The following PKIB variants were observed in gnomAD, a reference collection of about 807,000 sequenced individuals.
The protein encoded by PKIB is PKI-beta.
PKIB carries 2 observed loss-of-function variants against 4.5 expected under a neutral mutation model. The ratio of observed to expected loss-of-function variants is 0.44; its 90% CI spans 0.18 to 1.39. PKIB has a LOEUF of 1.39. PKIB is among the 40% of genes most tolerant of loss of function. The pLI is 0.27. For missense variants in PKIB, 94 were observed against 92.6 expected (o/e 1.02, Z -0.06); for synonymous variants, 38 against 36.0 (o/e 1.06, Z -0.20).
chr6:122,676,250 T>C (rs2566817), intron 3 of PKIB, among the ~76,000 whole-genome samples: 149,830 of 151,862 alleles, frequency 0.99, 73,936 homozygotes, highest in Middle Eastern at 1. Flanking sequence ...CAGTAGGGCT[T>C]ATGCTCCTAT....
chr6:122,478,780 A>G (rs1364418496), intron 2 of PKIB: 1 of 152,172 alleles, frequency 6.6e-6, no homozygotes, highest in Non-Finnish European at 1.5e-5. Flanking sequence ...TAAAATCTGG[A>G]GAAAGAAAAC....
intron 2 of PKIB, chr6:122,483,648 A>G (rs760330109): frequency 6.6e-6 from 1 of 152,250 alleles, no homozygotes; most frequent in Non-Finnish European, 1.5e-5. Context: ...AACAATTTTT[A>G]GAAAAATGAC....
At chr6:122,664,299 G>A (rs2114923966) in intron 2 of PKIB, among the ~76,000 whole-genome samples, 1 of 152,258 alleles carries the variant, frequency 6.6e-6, no homozygotes, top group East Asian at 1.9e-4. Context: ...TACTGTTATA[G>A]GAAGTATAAA....
chr6:122,718,023 C>T, intron 4 of PKIB, 60 bp downstream of exon 4: 3 of 1,516,400 alleles, frequency 2.0e-6, no homozygotes, highest in Non-Finnish European at 1.8e-6. Context: ...CAAGCCTTTT[C>T]TCTGGACAGT....
Position 122,505,284 on chromosome 6 carries a change from T to A in PKIB, c.-248+27345T>A, listed in dbSNP as rs189273014. On this transcript the variant is annotated intron_variant, in intron 2 of 6. Coordinates refer to the PKIB transcript ENST00000392491. ...TCTCGCTCTGAGCATGGGAACATGA[T>A]GGCAATTAGGAGGCTTTCCTCCTCA... 2.6e-5 allele frequency among the ~76,000 whole-genome samples: 4 copies of A among 152,294 alleles called. No homozygotes were observed. In the East Asian group the frequency reaches 7.7e-4, roughly 29 times the overall value.
chr6:122,527,806 T>G (rs572701391), intron 2 of PKIB, among the ~76,000 whole-genome samples: 4 of 152,306 alleles, frequency 2.6e-5, no homozygotes, highest in African/African-American at 7.2e-5. Context: ...TTCAATAGGT[T>G]TGCTTGATGC....
intron 4 of PKIB, among the ~76,000 whole-genome samples, chr6:122,721,351 G>A (rs541689730): frequency 6.6e-6 from 1 of 152,090 alleles, no homozygotes; most frequent in Non-Finnish European, 1.5e-5. Flanking sequence ...GAAAAAAAGG[G>A]TGCTGTAGTC....
At chr6:122,556,788 T>C (rs1205587762) in intron 2 of PKIB, among the ~76,000 whole-genome samples, 1 of 152,196 alleles carries the variant, frequency 6.6e-6, no homozygotes, top group Non-Finnish European at 1.5e-5. Flanking sequence ...CACAAGTAAC[T>C]GAAAGCTTGA....
intron 2 of PKIB, among the ~76,000 whole-genome samples, chr6:122,543,559 T>C (rs1310074530): frequency 6.6e-6 from 1 of 151,876 alleles, no homozygotes; most frequent in Non-Finnish European, 1.5e-5. Flanking sequence ...TTCGTATTTT[T>C]AGTAGAGGCA....
chr6:122,585,796 T>G (rs1773831896), intron 2 of PKIB: 1 of 152,182 alleles, frequency 6.6e-6, no homozygotes, highest in South Asian at 2.1e-4. Flanking sequence ...ACAATATATT[T>G]TCTTGAATTA....
chr6:122,555,139 T>C (rs991133441), intron 2 of PKIB, among the ~76,000 whole-genome samples: 2 of 152,232 alleles, frequency 1.3e-5, no homozygotes, highest in Middle Eastern at 3.4e-3. Flanking sequence ...GTGCTGGGGG[T>C]AACCTAGAGA....
At chr6:122,597,584 G>T (rs1269622060) in intron 3 of PKIB, among the ~76,000 whole-genome samples, 1 of 152,218 alleles carries the variant, frequency 6.6e-6, no homozygotes, top group Non-Finnish European at 1.5e-5. Flanking sequence ...GTTGAATGGG[G>T]ATGTGGTGGG....
At chr6:122,634,840 G>A (rs1378447061) in intron 2 of PKIB, among the ~76,000 whole-genome samples, 1 of 151,932 alleles carries the variant, frequency 6.6e-6, no homozygotes, top group Non-Finnish European at 1.5e-5. Flanking sequence ...TACTCAGGAG[G>A]CTGAGGAAGG....
At chr6:122,693,222 A>G (rs1054717988) in intron 3 of PKIB, among the ~76,000 whole-genome samples, 3 of 152,250 alleles carry the variant, frequency 2.0e-5, no homozygotes, top group Admixed American at 2.0e-4. Flanking sequence ...CTGAAACTTC[A>G]GTACTCTAGG....
chr6:122,682,401 A>G lies in PKIB; in HGVS notation c.-9+7257A>G, dbSNP rs77017576. ...TCTGTGTCTAAATACTGTCACATTA[A>G]TGCTACCATTATCTAAATGTACATA... On this transcript the variant is annotated intron_variant, in intron 3 of 4. Coordinates refer to ENST00000368452, the MANE Select transcript of PKIB (RefSeq NM_181795.3). Among the ~76,000 whole-genome samples, 184 of 152,258 alleles carry G rather than the reference A, an allele frequency of 1.2e-3. 3 individuals are homozygous for G. The East Asian group carries it at 0.02, about 17-fold the overall frequency.
intron 2 of PKIB, among the ~76,000 whole-genome samples, chr6:122,538,530 T>C (rs1194071701): frequency 6.6e-6 from 1 of 152,104 alleles, no homozygotes; most frequent in Non-Finnish European, 1.5e-5. Flanking sequence ...TCTGTTCCAT[T>C]GATCTATATC....
At chr6:122,482,933 G>A (rs547484195) in intron 2 of PKIB, 1 of 151,052 alleles carries the variant, frequency 6.6e-6, no homozygotes, top group South Asian at 2.1e-4. Flanking sequence ...TTGCTGTTAA[G>A]TTTCTTGGGT....
chr6:122,537,295 C>A (rs1368025223), intron 2 of PKIB, among the ~76,000 whole-genome samples: 3 of 152,014 alleles, frequency 2.0e-5, no homozygotes. Context: ...TTAGGTATAT[C>A]TCCTAATGCT....
At chr6:122,540,017 G>C (rs377553627) in intron 2 of PKIB, among the ~76,000 whole-genome samples, 1 of 151,870 alleles carries the variant, frequency 6.6e-6, no homozygotes, top group Admixed American at 6.6e-5. Context: ...CTATGGGATC[G>C]GTGGTGATAT....
Sources: allele counts gnomAD v4.1 joint callset (sites outside exome capture counted in the v4.1 genomes callset), GRCh38; gene constraint gnomAD v4.1.1; transcripts MANE v1.5; gene names NCBI Gene and HGNC (gene_info 2026-07-23, HGNC 2026-07-21).